MECOM: variants seen among roughly 807,000 people sequenced by gnomAD.
MECOM encodes MDS1 and EVI1 complex locus.
In MECOM, 13 loss-of-function variants were observed where a neutral mutation model predicts 116.3. The observed-to-expected ratio is 0.11, with a 90% CI of 0.07 to 0.18. The LOEUF (loss-of-function observed/expected upper bound fraction) is 0.18. MECOM is among the 10% of genes least tolerant of loss of function. The pLI is 1.00. For synonymous variants in MECOM, 528 were observed against 535.2 expected, an observed-to-expected ratio of 0.99 and a Z score of 0.19; for missense variants, 1,299 against 1,509.0, an observed-to-expected ratio of 0.86 and a Z score of 2.31.
At chr3:169,228,423 C>G (rs1257550067) in intron 2 of MECOM, among the ~76,000 whole-genome samples, 1 of 152,118 alleles carries the variant, frequency 6.6e-6, no homozygotes, top group Non-Finnish European at 1.5e-5. Context: ...CAGGAGAGGA[C>G]AGATGACCAT....
At chr3:169,449,670 G>A (rs1745226466) in intron 1 of MECOM, among the ~76,000 whole-genome samples, 2 of 152,104 alleles carry the variant, frequency 1.3e-5, no homozygotes, top group African/African-American at 4.8e-5. Flanking sequence ...ATTTGGTGAG[G>A]TGGCGGTAAG....
intron 2 of MECOM, among the ~76,000 whole-genome samples, chr3:169,158,117 AG>A (rs1560292909): frequency 6.6e-6 from 1 of 152,198 alleles, no homozygotes; most frequent in Non-Finnish European, 1.5e-5. Flanking sequence ...TCTCAAAAAA[AG>A]TGTTGATTAA....
At position 169,580,842 on chromosome 3, in the gene MECOM, T is replaced by TTTGG. The variant is rs1395371832; in HGVS notation, c.37+82493_37+82494insCCAA. ...TGTTGTTAAATTGTGTTTTGTTTTG[T>TTTGG]TTTGTTTTTGCAAAATGTCGTATTG... On this transcript the variant is annotated intron_variant, in intron 1 of 16. Transcript: ENST00000651503. Among the ~76,000 whole-genome samples the TTTGG allele has an allele frequency of 5.3e-5, 8 of 152,212 alleles. No individual in the cohort carries two copies. In the East Asian group the frequency reaches 1.5e-3, roughly 29 times the overall value.
At chr3:169,470,778 C>G (rs1749096811) in intron 1 of MECOM, among the ~76,000 whole-genome samples, 1 of 151,696 alleles carries the variant, frequency 6.6e-6, no homozygotes, top group South Asian at 2.1e-4. Flanking sequence ...CATCTAGAAA[C>G]CAAACAAAAC....
intron 3 of MECOM, chr3:169,133,329 A>G (rs1225832537): frequency 6.6e-6 from 1 of 152,208 alleles, no homozygotes; most frequent in Non-Finnish European, 1.5e-5. Flanking sequence ...TATTTTGGAA[A>G]GATGAGAACT....
chr3:169,551,800 A>T (rs1003901473), intron 1 of MECOM, among the ~76,000 whole-genome samples: 1 of 152,232 alleles, frequency 6.6e-6, no homozygotes, highest in East Asian at 1.9e-4. Flanking sequence ...AAATGGAAAC[A>T]ATACAAATGT....
intron 1 of MECOM, among the ~76,000 whole-genome samples, chr3:169,631,034 A>G (rs1178422815): frequency 6.6e-6 from 1 of 152,276 alleles, no homozygotes; most frequent in Admixed American, 6.5e-5. Flanking sequence ...GTCCTCCTCC[A>G]TCAGCTATCC....
intron 2 of MECOM, among the ~76,000 whole-genome samples, chr3:169,218,076 G>A (rs1159347924): frequency 1.3e-5 from 2 of 151,740 alleles, no homozygotes; most frequent in Non-Finnish European, 2.9e-5. Flanking sequence ...AAAGCTAAAA[G>A]TTTAGCAATA....
intron 2 of MECOM, among the ~76,000 whole-genome samples, chr3:169,377,545 T>A (rs926472854): frequency 6.6e-6 from 1 of 152,110 alleles, no homozygotes; most frequent in African/African-American, 2.4e-5. Flanking sequence ...AGAAGACATT[T>A]ATGTGGCCAA....
chr3:169,507,644 C>A (rs1421627440), intron 1 of MECOM, among the ~76,000 whole-genome samples: 1 of 110,208 alleles, frequency 9.1e-6, no homozygotes, highest in Non-Finnish European at 2.0e-5. Flanking sequence ...TTTAAATCCC[C>A]ACTTGCTTTT....
chr3:169,255,222 G>C (rs962378330), intron 2 of MECOM, among the ~76,000 whole-genome samples: 12 of 152,124 alleles, frequency 7.9e-5, no homozygotes, highest in African/African-American at 2.9e-4. Flanking sequence ...ATGACACCGA[G>C]CCGGTACAGT....
chr3:169,506,599 T>C (rs1173499323), intron 1 of MECOM, among the ~76,000 whole-genome samples: 3 of 152,214 alleles, frequency 2.0e-5, no homozygotes, highest in African/African-American at 7.2e-5. Context: ...TAAAAAGCCT[T>C]AATGTTCTGC....
intron 1 of MECOM, among the ~76,000 whole-genome samples, chr3:169,471,554 C>T (rs1300894683): frequency 6.6e-6 from 1 of 152,162 alleles, no homozygotes; most frequent in Non-Finnish European, 1.5e-5. Context: ...TCCAGGAATC[C>T]AACAAGGAGG....
chr3:169,495,056 A>G (rs1366840495), intron 1 of MECOM, among the ~76,000 whole-genome samples: 1 of 152,202 alleles, frequency 6.6e-6, no homozygotes. Context: ...ATAGTCCTTC[A>G]TACAGTTGAG....
chr3:169,399,269 T>C (rs1735492873), intron 1 of MECOM, among the ~76,000 whole-genome samples: 4 of 152,192 alleles, frequency 2.6e-5, no homozygotes, highest in Admixed American at 2.6e-4. Flanking sequence ...ACAAAAATGT[T>C]AATTATGAGG....
intron 2 of MECOM, among the ~76,000 whole-genome samples, chr3:169,356,830 GA>G (rs1267443638): frequency 2.6e-5 from 4 of 151,850 alleles, no homozygotes; most frequent in Non-Finnish European, 5.9e-5. Context: ...TTGAGAATGG[GA>G]GGAAACCAAG....
At chr3:169,537,468 A>G (rs1320828617) in intron 1 of MECOM, among the ~76,000 whole-genome samples, 1 of 152,226 alleles carries the variant, frequency 6.6e-6, no homozygotes, top group Non-Finnish European at 1.5e-5. Flanking sequence ...ATGAAATCAG[A>G]GACATAAAAG....
At chr3:169,086,134 G>T (rs1216987673) in intron 16 of MECOM, among the ~76,000 whole-genome samples, 1 of 152,086 alleles carries the variant, frequency 6.6e-6, no homozygotes, top group African/African-American at 2.4e-5. Context: ...GCTGATTTTT[G>T]ATTTGCTGGG....
At chr3:169,588,957 T>C (rs138933992) in intron 1 of MECOM, among the ~76,000 whole-genome samples, 24 of 152,216 alleles carry the variant, frequency 1.6e-4, no homozygotes, top group Non-Finnish European at 3.1e-4. Context: ...ATGAAATACA[T>C]AGGGTTTTTT....
Sources: allele counts gnomAD v4.1 joint callset (sites outside exome capture counted in the v4.1 genomes callset), GRCh38; gene constraint gnomAD v4.1.1; transcripts MANE v1.5; gene names NCBI Gene and HGNC (gene_info 2026-07-23, HGNC 2026-07-21).